The following ZC3H13 variants were observed in gnomAD, a reference collection of about 807,000 sequenced individuals.
ZC3H13 encodes zinc finger CCCH domain-containing protein 13.
In ZC3H13, 64 loss-of-function variants were observed where a neutral mutation model predicts 204.1. That is an observed-to-expected ratio of 0.31 (90% CI 0.26 to 0.39). The LOEUF is 0.39. ZC3H13 is among the 10% of genes least tolerant of loss of function. The pLI, the probability that ZC3H13 is intolerant of heterozygous loss-of-function variation, is 1.00. For missense variants in ZC3H13, 1,833 were observed against 2,082.7 expected, an observed-to-expected ratio of 0.88 and a Z score of 2.33; for synonymous variants, 667 against 693.7, an observed-to-expected ratio of 0.96 and a Z score of 0.60.
chr13:45,959,459 T>C, intron 18 of ZC3H13, 24 bp downstream of exon 18: 1 of 1,516,762 alleles, frequency 6.6e-7, no homozygotes, highest in Non-Finnish European at 8.8e-7. Context: ...TCACTTTGTA[T>C]TTTTTCCAAG....
intron 10 of ZC3H13, among the ~76,000 whole-genome samples, chr13:45,983,815 A>C (rs1953929682): frequency 6.6e-6 from 1 of 152,206 alleles, no homozygotes; most frequent in South Asian, 2.1e-4. Context: ...GAGCCAAATC[A>C]GTGTGTTCCT....
Position 45,970,379 on chromosome 13 carries a change from T to A in ZC3H13, c.2555A>T (p.Asn852Ile). The change falls in exon 13 of 19, where the codon AAC becomes ATC. Residue 852 changes from asparagine (N) to isoleucine (I), a missense_variant. Asn to Ile is a moderately radical substitution (Grantham distance 149). Transcript: ENST00000679008. ...REHSPDSDAY[N>I]SGDDKNEKHR... ...CTGCTTACTTTTATCATCTCCACTG[T>A]TGTAGGCATCACTGTCCGGAGAATG... 3 of 1,613,862 alleles carry A rather than the reference T, an allele frequency of 1.9e-6. No individual in the cohort carries two copies. Among genetic ancestry groups the A allele is most frequent in the Non-Finnish European group, 2.5e-6 (3 of 1,179,806 alleles).
chr13:45,960,969 A>AGGTGTAAATAT (rs981906081), intron 17 of ZC3H13, among the ~76,000 whole-genome samples: 2 of 152,250 alleles, frequency 1.3e-5, no homozygotes, highest in Admixed American at 1.3e-4. Context: ...AACATAAGAA[A>AGGTGTAAATAT]GGTGTAAATA....
At chr13:46,012,378 T>C (rs2041624878) in intron 5 of ZC3H13, among the ~76,000 whole-genome samples, 1 of 152,186 alleles carries the variant, frequency 6.6e-6, no homozygotes. Context: ...TGGACTTGAC[T>C]GACCACAAAC....
At chr13:45,996,741 A>T (rs1344932060) in intron 8 of ZC3H13, among the ~76,000 whole-genome samples, 1 of 151,080 alleles carries the variant, frequency 6.6e-6, no homozygotes, top group Non-Finnish European at 1.5e-5. Flanking sequence ...GGCAATTTGA[A>T]TATGTACAAA....
rs1021522163 is a variant in ZC3H13, at chr13:46,023,853, T to C, written c.340-3296A>G. On this transcript the variant is annotated intron_variant, in intron 4 of 18. Transcript: ENST00000679008. ...TCACATTAAAGCTTATCTCTTACCA[T>C]AATAAGAAGCAATCTGGGTCTCCTC... 3.3e-5 allele frequency among the ~76,000 whole-genome samples: 5 copies of C among 152,288 alleles called. No individual in the cohort carries two copies. In the East Asian group the frequency reaches 9.7e-4, roughly 29 times the overall value.
At chr13:45,977,605 G>A (rs1007361748) in intron 11 of ZC3H13, among the ~76,000 whole-genome samples, 3 of 151,950 alleles carry the variant, frequency 2.0e-5, no homozygotes, top group Non-Finnish European at 4.4e-5. Flanking sequence ...CAATCTCTGG[G>A]TTGTCTAAGC....
At chr13:45,972,867 T>C (rs921824150) in intron 12 of ZC3H13, among the ~76,000 whole-genome samples, 4 of 152,260 alleles carry the variant, frequency 2.6e-5, no homozygotes, top group Non-Finnish European at 5.9e-5. Context: ...TTGTTGTTTC[T>C]ACCATTACAT....
chr13:46,000,541 G>A (rs1028017784), intron 8 of ZC3H13, among the ~76,000 whole-genome samples: 1 of 152,216 alleles, frequency 6.6e-6, no homozygotes, highest in African/African-American at 2.4e-5. Flanking sequence ...ATTAAAGAGA[G>A]TTAGGACCTT....
intron 10 of ZC3H13, among the ~76,000 whole-genome samples, chr13:45,981,434 G>A (rs558503229): frequency 4.0e-4 from 61 of 152,158 alleles, no homozygotes; most frequent in African/African-American, 1.3e-3. Context: ...GAATAGTGCC[G>A]CAATAAACAT....
At chr13:46,044,793 G>T (rs957972509) in intron 3 of ZC3H13, among the ~76,000 whole-genome samples, 162 bp downstream of exon 3, 1 of 151,958 alleles carries the variant, frequency 6.6e-6, no homozygotes, top group African/African-American at 2.4e-5. Flanking sequence ...TATTAATCTT[G>T]AAAATAACAA....
Position 45,985,753 on chromosome 13 carries a change from C to A in ZC3H13, c.1264G>T (p.Gly422Cys). ...RRHERREDTRGKRDREKDSRE... is the reference protein window; with the variant it reads ...RRHERREDTRCKRDREKDSRE... ...GAGTCCTTTTCTCTGTCTCGTTTGCCCCTAGTATCTGTAATGCAATTTTGG... is the reference window on the plus strand; with the variant it reads ...GAGTCCTTTTCTCTGTCTCGTTTGCACCTAGTATCTGTAATGCAATTTTGG... Residue 422 changes from glycine (G) to cysteine (C), a missense_variant, in exon 10 of 19, where the codon GGC becomes TGC. By Grantham distance (159) the Gly-to-Cys change is radical. Transcript: ENST00000679008. 2 of 1,597,026 alleles carry A rather than the reference C, an allele frequency of 1.3e-6. No homozygotes were observed. The highest frequency in any genetic ancestry group is 1.7e-6 in the Non-Finnish European group (2 of 1,174,454).
rs371437730 is a variant in ZC3H13, at chr13:45,988,343, C to T, written c.1255+444G>A. 3.7e-4 allele frequency among the ~76,000 whole-genome samples: 56 copies of T among 152,128 alleles called. 2 individuals carry two copies. The East Asian group carries it at 6.6e-3, about 18-fold the overall frequency. On this transcript the variant is annotated intron_variant, in intron 9 of 18. Coordinates refer to ENST00000679008, the MANE Select transcript of ZC3H13 (RefSeq NM_001330564.2). ...TGCGATCTTGGCTCACTGCAAGCTC[C>T]GCCTCCCGGGTTCAAGCAATTCTCC... is the stretch of plus-strand genomic sequence containing the variant.
intron 12 of ZC3H13, among the ~76,000 whole-genome samples, chr13:45,973,281 G>C (rs1952738177): frequency 6.6e-6 from 1 of 152,138 alleles, no homozygotes. Context: ...CATAAGAGCA[G>C]TTAAAAAAAG....
intron 5 of ZC3H13, among the ~76,000 whole-genome samples, chr13:46,017,666 G>GA (rs1167424485): frequency 6.6e-6 from 1 of 152,020 alleles, no homozygotes; most frequent in Non-Finnish European, 1.5e-5. Flanking sequence ...TGGGGGTTCT[G>GA]AAAAAGCATA....
chr13:46,044,906 A>G, intron 3 of ZC3H13, 49 bp downstream of exon 3: 1 of 1,346,642 alleles, frequency 7.4e-7, no homozygotes, highest in Non-Finnish European at 1.0e-6. Context: ...GATAAATTAC[A>G]AAAGCCATCT....
At chr13:46,045,759 T>C (rs2043907724) in intron 1 of ZC3H13, among the ~76,000 whole-genome samples, 1 of 152,184 alleles carries the variant, frequency 6.6e-6, no homozygotes, top group African/African-American at 2.4e-5. Flanking sequence ...TTGTACCTCT[T>C]CTGCAGAGTG....
At chr13:46,041,507 T>C (rs2043582784) in intron 4 of ZC3H13, among the ~76,000 whole-genome samples, 1 of 152,152 alleles carries the variant, frequency 6.6e-6, no homozygotes, top group Non-Finnish European at 1.5e-5. Context: ...GTTTCACAAC[T>C]CTAATAATAC....
intron 7 of ZC3H13, 179 bp downstream of exon 7, chr13:46,010,169 T>G: frequency 1.9e-6 from 1 of 520,978 alleles, no homozygotes; most frequent in South Asian, 7.3e-5. Context: ...CACAGATGTT[T>G]GTTTTATTGT....
Sources: gnomAD v4.1 joint callset for allele counts (sites outside exome capture counted in the v4.1 genomes callset) on GRCh38, gnomAD v4.1.1 for gene constraint, MANE v1.5 for transcripts, NCBI Gene and HGNC (gene_info 2026-07-23, HGNC 2026-07-21) for gene names.